The following GRID2 variants were observed in gnomAD, a reference collection of about 807,000 sequenced individuals.
GRID2 encodes the protein glutamate receptor ionotropic, delta-2.
Under a neutral mutation model 114.8 loss-of-function variants are expected in GRID2, and 33 were observed. The ratio of observed to expected loss-of-function variants is 0.29; its 90% confidence interval spans 0.22 to 0.38. The LOEUF (loss-of-function observed/expected upper bound fraction) is 0.38, where lower values mean the gene tolerates loss of function less well. Among genes scored for constraint, GRID2 ranks in the 10% least tolerant of loss-of-function variants. GRID2 has a pLI of 1.00. For missense variants in GRID2, 1,184 were observed against 1,257.7 expected, an observed-to-expected ratio of 0.94 and a Z score of 0.89; for synonymous variants, 505 against 449.9, an observed-to-expected ratio of 1.12 and a Z score of -1.55.
At chr4:93,248,180 C>T (rs187460571) in intron 8 of GRID2, among the ~76,000 whole-genome samples, 2 of 152,244 alleles carry the variant, frequency 1.3e-5, no homozygotes, top group South Asian at 2.1e-4. Context: ...AACCTAATTC[C>T]TAGTTTCAGC....
Position 93,772,606 on chromosome 4 carries a change from AT to A in GRID2, c.*110del. ...TGTAACGTTTAAAAAAAAGATCAGGATTATTAGTAACAATTCTAGTTTTTTC... is the reference window on the plus strand; with the variant it reads ...TGTAACGTTTAAAAAAAAGATCAGGATATTAGTAACAATTCTAGTTTTTTC... On this transcript the variant is annotated 3_prime_UTR_variant, in exon 16 of 16. Coordinates refer to ENST00000282020, the MANE Select transcript of GRID2 (RefSeq NM_001510.4). 1 of 773,278 alleles carries A rather than the reference AT, an allele frequency of 1.3e-6. No homozygotes were observed. Among genetic ancestry groups the A allele is most frequent in the Non-Finnish European group, 2.0e-6 (1 of 490,270 alleles). 47.9% of individuals were successfully genotyped at this position (773,278 alleles called of 1,614,324 possible).
At chr4:93,156,442 A>G (rs1177459386) in intron 4 of GRID2, among the ~76,000 whole-genome samples, 1 of 151,676 alleles carries the variant, frequency 6.6e-6, no homozygotes, top group African/African-American at 2.4e-5. Context: ...AGGAACAATA[A>G]TCCAGTTCAA....
intron 13 of GRID2, among the ~76,000 whole-genome samples, chr4:93,598,716 C>G (rs946676501): frequency 2.6e-5 from 4 of 152,140 alleles, no homozygotes; most frequent in African/African-American, 9.7e-5. Context: ...AAGGAGAATG[C>G]ACCTCTAGAT....
chr4:93,726,266 G>T (rs953335861), intron 14 of GRID2, among the ~76,000 whole-genome samples: 7 of 152,122 alleles, frequency 4.6e-5, no homozygotes, highest in African/African-American at 1.7e-4. Context: ...GGTTGTTTTT[G>T]TCAGGTTTGT....
chr4:92,411,628 T>A, intron 1 of GRID2, among the ~76,000 whole-genome samples: 1 of 80,592 alleles, frequency 1.2e-5, no homozygotes, highest in East Asian at 2.9e-4. Flanking sequence ...TATATGCATG[T>A]GTGTGTGTGT....
chr4:93,700,685 A>G lies in GRID2; in HGVS notation c.2361-68525A>G, dbSNP rs76053963. Among the ~76,000 whole-genome samples the G allele has an allele frequency of 3.9e-5, 6 of 152,256 alleles. No homozygotes were observed. In the East Asian group the frequency reaches 1.2e-3, roughly 29 times the overall value. On this transcript the variant is annotated intron_variant, in intron 14 of 15. Transcript: ENST00000282020. ...ATCTGAGGGTTCAGCACATCATCTA[A>G]GGATATAAAGTAGTCTTGCTGCTTA...
chr4:92,993,616 G>A (rs1755034368), intron 2 of GRID2, among the ~76,000 whole-genome samples: 1 of 151,978 alleles, frequency 6.6e-6, no homozygotes, highest in Non-Finnish European at 1.5e-5. Flanking sequence ...CTTTACATAG[G>A]CAATTTGGAG....
intron 12 of GRID2, among the ~76,000 whole-genome samples, chr4:93,505,611 A>C (rs1728553916): frequency 6.7e-6 from 1 of 148,718 alleles, no homozygotes; most frequent in South Asian, 2.1e-4. Context: ...TATATATTTT[A>C]TTAGATATCA....
At chr4:93,048,468 T>C (rs554670104) in intron 2 of GRID2, among the ~76,000 whole-genome samples, 89 of 152,192 alleles carry the variant, frequency 5.8e-4, no homozygotes, top group African/African-American at 2.1e-3. Flanking sequence ...GTGGGACTTC[T>C]GAACAAACTT....
intron 1 of GRID2, among the ~76,000 whole-genome samples, chr4:92,443,440 A>G (rs976640411): frequency 1.3e-5 from 2 of 151,850 alleles, no homozygotes; most frequent in Non-Finnish European, 2.9e-5. Context: ...AAGGTTGCCC[A>G]TAGTGAAGGA....
chr4:92,849,895 T>C (rs1481934878), intron 2 of GRID2, among the ~76,000 whole-genome samples: 5 of 151,796 alleles, frequency 3.3e-5, no homozygotes, highest in Admixed American at 2.0e-4. Flanking sequence ...TATCATGGGT[T>C]ATTACAGTAA....
rs1730785028 is a variant in GRID2 at position 92,401,470 on chromosome 4, G to C, written c.88+96726G>C. ...AGGAATTATGTGCAGTCATACATCA[G>C]AGATATCATGGGTTTAGTTTTAGAC... On this transcript the variant is annotated intron_variant, in intron 1 of 15. Transcript: ENST00000282020. Among the ~76,000 whole-genome samples the C allele has an allele frequency of 2.0e-5, 3 of 152,172 alleles. No individual in the cohort carries two copies. The South Asian group carries it at 6.2e-4, about 32-fold the overall frequency.
At chr4:93,744,686 T>G (rs891345466) in intron 14 of GRID2, among the ~76,000 whole-genome samples, 1 of 152,186 alleles carries the variant, frequency 6.6e-6, no homozygotes, top group Non-Finnish European at 1.5e-5. Context: ...TTTCATAAAT[T>G]TAGTTGATAA....
chr4:92,547,369 A>G (rs1431046000), intron 1 of GRID2, among the ~76,000 whole-genome samples: 7 of 152,194 alleles, frequency 4.6e-5, no homozygotes, highest in Non-Finnish European at 1.0e-4. Flanking sequence ...ACTATACTGA[A>G]AATATATACT....
intron 13 of GRID2, among the ~76,000 whole-genome samples, chr4:93,594,838 TTC>T (rs1219103706): frequency 3.3e-5 from 5 of 152,142 alleles, no homozygotes; most frequent in Admixed American, 6.5e-5. Flanking sequence ...CATCACCCCT[TTC>T]TTTGATTAGG....
chr4:92,789,789 TCACA>T (rs551489935), intron 2 of GRID2, among the ~76,000 whole-genome samples: 350 of 152,090 alleles, frequency 2.3e-3, no homozygotes, highest in African/African-American at 7.1e-3. Context: ...CTGCTGGTTA[TCACA>T]CACGTCCACT....
chr4:93,214,668 A>G (rs1466991406), intron 5 of GRID2, among the ~76,000 whole-genome samples: 4 of 152,048 alleles, frequency 2.6e-5, no homozygotes, highest in African/African-American at 9.7e-5. Context: ...CTTCAGATAT[A>G]TTTTAGTTGT....
chr4:92,821,816 G>A (rs762870989), intron 2 of GRID2, among the ~76,000 whole-genome samples: 8 of 152,154 alleles, frequency 5.3e-5, no homozygotes, highest in East Asian at 3.9e-4. Context: ...TAAGCAGTCC[G>A]GCAACTCAAG....
intron 4 of GRID2, among the ~76,000 whole-genome samples, chr4:93,125,856 C>T (rs955939307): frequency 1.3e-5 from 2 of 152,174 alleles, no homozygotes; most frequent in Admixed American, 6.5e-5. Flanking sequence ...GGATTGATAT[C>T]CAGCAGGTGT....
Sources: gnomAD v4.1 joint callset for allele counts (sites outside exome capture counted in the v4.1 genomes callset) on GRCh38, gnomAD v4.1.1 for gene constraint, MANE v1.5 for transcripts, NCBI Gene and HGNC (gene_info 2026-07-23, HGNC 2026-07-21) for gene names.